ATF7: variants seen among roughly 807,000 people sequenced by gnomAD.
ATF7 encodes cyclic AMP-dependent transcription factor ATF-7.
In ATF7, 10 loss-of-function variants were observed where a neutral mutation model predicts 50.4. The observed-to-expected ratio is 0.20, with a 90% CI of 0.12 to 0.34. The LOEUF (loss-of-function observed/expected upper bound fraction) is 0.34, where lower values mean the gene tolerates loss of function less well. ATF7 is among the 10% of genes least tolerant of loss of function. The pLI, the probability that ATF7 is intolerant of heterozygous loss-of-function variation, is 1.00. For missense variants in ATF7, 465 were observed against 613.9 expected, an observed-to-expected ratio of 0.76 and a Z score of 2.56; for synonymous variants, 201 against 226.4, an observed-to-expected ratio of 0.89 and a Z score of 1.01.
At chr12:53,546,456 C>CTTTT (rs978440013) in intron 3 of ATF7, among the ~76,000 whole-genome samples, 1 of 112,904 alleles carries the variant, frequency 8.9e-6, no homozygotes, top group African/African-American at 3.5e-5. Context: ...TTCTTTCTTT[C>CTTTT]TTTTTTTTTT....
At chr12:53,599,942 T>C (rs192710227) in intron 2 of ATF7, among the ~76,000 whole-genome samples, 2 of 151,474 alleles carry the variant, frequency 1.3e-5, no homozygotes, top group Non-Finnish European at 2.9e-5. Flanking sequence ...GTTAAGAAGA[T>C]GCAAAATGAA....
intron 1 of ATF7, among the ~76,000 whole-genome samples, chr12:53,610,964 C>T (rs1279122014): frequency 6.6e-6 from 1 of 151,838 alleles, no homozygotes; most frequent in Non-Finnish European, 1.5e-5. Flanking sequence ...GTAGCTGGGA[C>T]TATAGGTGCA....
intron 10 of ATF7, among the ~76,000 whole-genome samples, chr12:53,523,745 T>C (rs1938258599): frequency 6.6e-6 from 1 of 152,204 alleles, no homozygotes; most frequent in Non-Finnish European, 1.5e-5. Context: ...TGCAACATTG[T>C]TCTAGCAAAA....
At chr12:53,560,892 G>C (rs1309162988) in intron 2 of ATF7, among the ~76,000 whole-genome samples, 2 of 151,754 alleles carry the variant, frequency 1.3e-5, no homozygotes, top group Non-Finnish European at 2.9e-5. Flanking sequence ...TTCATGGACA[G>C]AATTGCTTTC....
intron 2 of ATF7, among the ~76,000 whole-genome samples, chr12:53,598,069 A>G (rs1166827929): frequency 6.6e-6 from 1 of 152,214 alleles, no homozygotes; most frequent in African/African-American, 2.4e-5. Flanking sequence ...CTCCAGAATG[A>G]AACCATTCTC....
At position 53,529,620 on chromosome 12, in the gene ATF7, G is replaced by A. The variant is rs941408833; in HGVS notation, c.927+2124C>T. On this transcript the variant is annotated intron_variant, in intron 9 of 11. Coordinates refer to ENST00000420353, the MANE Select transcript of ATF7 (RefSeq NM_006856.3). ...ACTACAGCTGTGAGCTACCGCACCC[G>A]GCCCTCTACTATTATTTATAATATA... Among the ~76,000 whole-genome samples the A allele has an allele frequency of 6.9e-4, 103 of 148,732 alleles. 1 individual carries two copies. Among genetic ancestry groups the A allele is most frequent in the Admixed American group, 6.3e-3 (93 of 14,754 alleles).
At position 53,563,585 on chromosome 12, in the gene ATF7, C is replaced by T. The variant is rs1050132512; in HGVS notation, c.49-10948G>A. ...TGAGCCAAGATTGTGCCATCGCACT[C>T]CAGCCTGGGCAACAGAACAAGGATG... is the stretch of plus-strand genomic sequence containing the variant. On this transcript the variant is annotated intron_variant, in intron 2 of 11. Transcript: ENST00000420353. Among the ~76,000 whole-genome samples the T allele has an allele frequency of 5.3e-5, 8 of 152,200 alleles. No homozygotes were observed. The East Asian group carries it at 1.3e-3, about 26-fold the overall frequency.
rs2137377717 is a variant in ATF7 at position 53,531,871 on chromosome 12, T to C, written c.800A>G (p.Gln267Arg). 1 of 1,613,582 alleles carries C rather than the reference T, an allele frequency of 6.2e-7. No individual in the cohort carries two copies. Among genetic ancestry groups the C allele is most frequent in the East Asian group, 2.2e-5 (1 of 44,874 alleles). ...ACAACCACCATTGATTGAGGAGACT[T>C]GGTGAGTTAGGGTGGCTTTCAGTCT... ...KMRLKATLTH[Q>R]VSSINGGCGM... The change falls in exon 9 of 12, where the codon CAA becomes CGA. Residue 267 changes from glutamine to arginine, a missense_variant. By Grantham distance (43) the Gln-to-Arg change is conservative. Coordinates refer to ENST00000420353, the MANE Select transcript of ATF7 (RefSeq NM_006856.3).
At chr12:53,622,652 CAAAA>C (rs11348452) in intron 1 of ATF7, among the ~76,000 whole-genome samples, 2 of 97,222 alleles carry the variant, frequency 2.1e-5, no homozygotes, top group African/African-American at 3.6e-5. Context: ...AATTGCGTCT[CAAAA>C]AAAAAAAAAA....
At chr12:53,587,402 C>T (rs950003325) in intron 2 of ATF7, among the ~76,000 whole-genome samples, 84 of 115,110 alleles carry the variant, frequency 7.3e-4, no homozygotes, top group African/African-American at 2.4e-3. Flanking sequence ...ACGTGACGCA[C>T]GCCTGTAATC....
intron 4 of ATF7, among the ~76,000 whole-genome samples, chr12:53,539,872 C>A (rs1479158249): frequency 6.6e-6 from 1 of 151,178 alleles, no homozygotes; most frequent in African/African-American, 2.4e-5. Context: ...AGTTCAAGAC[C>A]AGTGTGGGCA....
At chr12:53,554,859 T>C (rs936216916) in intron 2 of ATF7, among the ~76,000 whole-genome samples, 1 of 79,364 alleles carries the variant, frequency 1.3e-5, no homozygotes, top group African/African-American at 6.6e-5. Flanking sequence ...GAAGACCTTG[T>C]CTCAAAAAAA....
intron 1 of ATF7, among the ~76,000 whole-genome samples, chr12:53,609,945 T>C (rs995695349): frequency 3.3e-5 from 5 of 150,788 alleles, no homozygotes; most frequent in Non-Finnish European, 7.4e-5. Context: ...GCCTCTTGAG[T>C]AGCTGGGACT....
intron 2 of ATF7, among the ~76,000 whole-genome samples, chr12:53,599,209 T>A (rs900923292): frequency 1.4e-5 from 2 of 146,110 alleles, no homozygotes; most frequent in East Asian, 2.0e-4. Flanking sequence ...AATTTTTAAA[T>A]TTTTTTTTTT....
At chr12:53,594,222 G>A (rs1457227257) in intron 2 of ATF7, among the ~76,000 whole-genome samples, 7 of 152,174 alleles carry the variant, frequency 4.6e-5, no homozygotes, top group Non-Finnish European at 1.0e-4. Flanking sequence ...TTTAACTTAG[G>A]AAGAGCTGAG....
At chr12:53,533,828 C>G (rs1415540683) in intron 6 of ATF7, among the ~76,000 whole-genome samples, 1 of 152,130 alleles carries the variant, frequency 6.6e-6, no homozygotes, top group Non-Finnish European at 1.5e-5. Context: ...GACCAAGAAC[C>G]CTAACTGGGA....
intron 2 of ATF7, among the ~76,000 whole-genome samples, chr12:53,577,728 AAAAGAAAGAAAG>A (rs533228352): frequency 6.8e-6 from 1 of 147,296 alleles, no homozygotes; most frequent in Non-Finnish European, 1.5e-5. Flanking sequence ...AAAAAAAAAA[AAAAGAAAGAAAG>A]AAAGAAAGAA....
rs926798344 is a variant in ATF7 at position 53,525,280 on chromosome 12, G to C, written c.928-519C>G. ...AGGCAGGAGAATTGCTTGAGTCCAG[G>C]AGGCGGAGGTTGCAGTGAGCTGAGA... On this transcript the variant is annotated intron_variant, in intron 9 of 11. Transcript: ENST00000420353. Among the ~76,000 whole-genome samples the C allele has an allele frequency of 3.9e-5, 6 of 152,226 alleles. No homozygotes were observed. In the East Asian group the frequency reaches 1.2e-3, roughly 29 times the overall value.
chr12:53,603,151 C>T (rs1273699606), intron 1 of ATF7, among the ~76,000 whole-genome samples: 1 of 152,150 alleles, frequency 6.6e-6, no homozygotes, highest in Non-Finnish European at 1.5e-5. Context: ...TTATTTGATG[C>T]TAAATTTTCT....
Sources: allele counts gnomAD v4.1 joint callset (sites outside exome capture counted in the v4.1 genomes callset), GRCh38; gene constraint gnomAD v4.1.1; transcripts MANE v1.5; gene names NCBI Gene and HGNC (gene_info 2026-07-23, HGNC 2026-07-21).